The following LZTS1 variants were observed in gnomAD, a reference collection of about 807,000 sequenced individuals.
LZTS1 encodes the protein leucine zipper tumor suppressor 1.
A neutral mutation model predicts 45.8 loss-of-function variants in LZTS1; 31 were observed. The ratio of observed to expected loss-of-function variants is 0.68; its 90% CI spans 0.51 to 0.91. LZTS1 has a LOEUF of 0.91. Ranked by LOEUF, LZTS1 falls within the 40% of genes least tolerant of loss-of-function variation. The pLI, the probability that LZTS1 is intolerant of heterozygous loss-of-function variation, is 0.00. For missense variants in LZTS1, 821 were observed against 788.9 expected (o/e 1.04, Z -0.49); for synonymous variants, 359 against 357.3 (o/e 1.00, Z -0.05).
chr8:20,268,153 T>TCCCCACCCCCAC (rs200742663), intron 1 of LZTS1, among the ~76,000 whole-genome samples: 1 of 124,470 alleles, frequency 8.0e-6, no homozygotes, highest in African/African-American at 3.0e-5. Flanking sequence ...TTAGAAGGAC[T>TCCCCACCCCCAC]CCCCACCCCC....
intron 1 of LZTS1, among the ~76,000 whole-genome samples, chr8:20,294,208 GAAGT>G (rs1216331612): frequency 6.6e-6 from 1 of 152,222 alleles, no homozygotes; most frequent in Non-Finnish European, 1.5e-5. Context: ...CTCTAGAATA[GAAGT>G]AAGTCCAACA....
intron 1 of LZTS1, among the ~76,000 whole-genome samples, chr8:20,266,057 C>T (rs1213304011): frequency 6.6e-6 from 1 of 151,296 alleles, no homozygotes; most frequent in Non-Finnish European, 1.5e-5. Flanking sequence ...GAGTCTCACT[C>T]TCTTGTCCAG....
At chr8:20,251,829 ATG>A (rs1178862916) in intron 3 of LZTS1, among the ~76,000 whole-genome samples, 1 of 152,110 alleles carries the variant, frequency 6.6e-6, no homozygotes, top group Non-Finnish European at 1.5e-5. Flanking sequence ...AGGTCAGAGG[ATG>A]TGGGCATAAA....
chr8:20,294,834 A>G (rs1053582686), intron 1 of LZTS1, among the ~76,000 whole-genome samples: 3 of 151,934 alleles, frequency 2.0e-5, no homozygotes, highest in African/African-American at 7.3e-5. Flanking sequence ...GACCCCACAC[A>G]GGTACCTACA....
chr8:20,262,501 T>G (rs1227786736), intron 1 of LZTS1, among the ~76,000 whole-genome samples: 1 of 152,124 alleles, frequency 6.6e-6, no homozygotes, highest in Non-Finnish European at 1.5e-5. Flanking sequence ...TGTCTACTAC[T>G]TTAGATGGAG....
chr8:20,300,089 A>T (rs1801049087), intron 1 of LZTS1, among the ~76,000 whole-genome samples: 1 of 151,834 alleles, frequency 6.6e-6, no homozygotes, highest in South Asian at 2.1e-4. Flanking sequence ...GTTCCCTCGG[A>T]CTCCCGAACT....
At chr8:20,282,336 C>A (rs556764040) in intron 1 of LZTS1, among the ~76,000 whole-genome samples, 8 of 152,306 alleles carry the variant, frequency 5.3e-5, no homozygotes, top group African/African-American at 1.9e-4. Flanking sequence ...GCCTGCTGGG[C>A]CTCTGATCTG....
At chr8:20,263,464 T>C (rs1490547116) in intron 1 of LZTS1, among the ~76,000 whole-genome samples, 1 of 152,172 alleles carries the variant, frequency 6.6e-6, no homozygotes, top group South Asian at 2.1e-4. Flanking sequence ...TGCCCCTTGA[T>C]TGACCTAGTT....
chr8:20,280,795 G>A (rs907152071), intron 1 of LZTS1, among the ~76,000 whole-genome samples: 2 of 152,110 alleles, frequency 1.3e-5, no homozygotes, highest in Non-Finnish European at 2.9e-5. Flanking sequence ...CTTAGATCCA[G>A]CCAGTTCTGG....
At chr8:20,268,187 C>T (rs1016102381) in intron 1 of LZTS1, among the ~76,000 whole-genome samples, 1 of 144,888 alleles carries the variant, frequency 6.9e-6, no homozygotes, top group Non-Finnish European at 1.5e-5. Context: ...CCCCCACTCC[C>T]ATCTCACCAG....
At chr8:20,302,146 C>T (rs1326547829) in intron 1 of LZTS1, among the ~76,000 whole-genome samples, 2 of 152,014 alleles carry the variant, frequency 1.3e-5, no homozygotes, top group Non-Finnish European at 2.9e-5. Context: ...CACTGGCAGG[C>T]ACAGAGAGCC....
chr8:20,298,917 A>C (rs1473137813), intron 1 of LZTS1, among the ~76,000 whole-genome samples: 1 of 152,170 alleles, frequency 6.6e-6, no homozygotes, highest in East Asian at 1.9e-4. Flanking sequence ...CACAGGATGA[A>C]AACTGCAGCA....
At chr8:20,274,272 CGT>C (rs1028491741) in intron 1 of LZTS1, among the ~76,000 whole-genome samples, 3 of 152,170 alleles carry the variant, frequency 2.0e-5, no homozygotes, top group African/African-American at 7.2e-5. Flanking sequence ...AATGGATAAG[CGT>C]GTGTTTATGC....
In LZTS1 at chr8:20,286,018, G is replaced by A. The variant is rs560051697; in HGVS notation, c.-135+17722C>T. On this transcript the variant is annotated intron_variant, in intron 1 of 3. Coordinates refer to ENST00000381569, the MANE Select transcript of LZTS1 (RefSeq NM_021020.5). ...ACACGAATATTTCCAGATGATTGTAGATACAAATGCAAAAGGTTAACACCC... is the reference window on the plus strand; with the variant it reads ...ACACGAATATTTCCAGATGATTGTAAATACAAATGCAAAAGGTTAACACCC... 1.3e-4 allele frequency among the ~76,000 whole-genome samples: 20 copies of A among 152,294 alleles called. No individual in the cohort carries two copies. The South Asian group carries it at 2.9e-3, about 22-fold the overall frequency.
chr8:20,303,635 G>T, intron 1 of LZTS1, 105 bp downstream of exon 1: 1 of 916,996 alleles, frequency 1.1e-6, no homozygotes, highest in Non-Finnish European at 1.3e-6. Flanking sequence ...ACCGACGGAC[G>T]CGCGGACGCA....
At chr8:20,262,602 T>C (rs1488026340) in intron 1 of LZTS1, among the ~76,000 whole-genome samples, 1 of 152,180 alleles carries the variant, frequency 6.6e-6, no homozygotes, top group Non-Finnish European at 1.5e-5. Flanking sequence ...GGGAACAGCA[T>C]GTGCAAAGAA....
intron 1 of LZTS1, among the ~76,000 whole-genome samples, chr8:20,268,361 G>A (rs374131442): frequency 6.6e-6 from 1 of 151,732 alleles, no homozygotes; most frequent in East Asian, 2.0e-4. Flanking sequence ...AATGGGGCAC[G>A]TGCCCAGGGC....
chr8:20,282,840 G>T (rs1208271038), intron 1 of LZTS1, among the ~76,000 whole-genome samples: 1 of 152,172 alleles, frequency 6.6e-6, no homozygotes, highest in Non-Finnish European at 1.5e-5. Flanking sequence ...ACACCCTGGG[G>T]TTTTAAAGAT....
intron 1 of LZTS1, among the ~76,000 whole-genome samples, chr8:20,263,401 G>A (rs1386520420): frequency 6.6e-6 from 1 of 151,376 alleles, no homozygotes; most frequent in African/African-American, 2.4e-5. Flanking sequence ...TCAGAAAAAC[G>A]CACCCTCCTC....
Sources: allele counts gnomAD v4.1 joint callset (sites outside exome capture counted in the v4.1 genomes callset), GRCh38; gene constraint gnomAD v4.1.1; transcripts MANE v1.5; gene names NCBI Gene and HGNC (gene_info 2026-07-23, HGNC 2026-07-21).